PCSK5: variants seen among roughly 807,000 people sequenced by gnomAD.
PCSK5 encodes proprotein convertase subtilisin/kexin type 5, also known as prohormone convertase 5.
PCSK5 carries 129 observed loss-of-function variants against 233.2 expected under a neutral mutation model. The observed-to-expected ratio is 0.55, with a 90% CI of 0.48 to 0.64. PCSK5 has a LOEUF of 0.64. PCSK5 is among the 30% of genes least tolerant of loss of function. PCSK5 has a pLI of 0.00. For missense variants in PCSK5, 2,076 were observed against 2,430.1 expected, an observed-to-expected ratio of 0.85 and a Z score of 3.06; for synonymous variants, 825 against 879.2, an observed-to-expected ratio of 0.94 and a Z score of 1.09.
chr9:76,174,496 G>C (rs970820326), intron 13 of PCSK5, among the ~76,000 whole-genome samples: 1 of 151,660 alleles, frequency 6.6e-6, no homozygotes, highest in African/African-American at 2.4e-5. Flanking sequence ...ATTTTTAGTA[G>C]AGACGGAGTT....
chr9:76,046,559 C>CTTTTTTTTTTTTTTTT (rs553542037), intron 5 of PCSK5, among the ~76,000 whole-genome samples: 1 of 104,806 alleles, frequency 9.5e-6, no homozygotes, highest in African/African-American at 3.7e-5. Context: ...CTTTCTTTTT[C>CTTTTTTTTTTTTTTTT]TTTTTTTTTT....
rs191262309 is a variant in PCSK5 at position 76,002,886 on chromosome 9, A to G, written c.411+16641A>G. On this transcript the variant is annotated intron_variant, in intron 3 of 37. Coordinates refer to ENST00000674117, the MANE Select transcript of PCSK5 (RefSeq NM_001372043.1). The stretch of plus-strand genomic sequence containing the variant: ...AAACAAGCCTCCTGCACATCATTGC[A>G]AGATAACTGTCAGGAGTCCTCAGTT... Among the ~76,000 whole-genome samples, 24 of 152,326 alleles carry G rather than the reference A, an allele frequency of 1.6e-4. No homozygotes were observed. In the East Asian group the frequency reaches 3.9e-3, roughly 24 times the overall value.
intron 3 of PCSK5, among the ~76,000 whole-genome samples, chr9:75,998,320 C>A (rs1827111386): frequency 6.6e-6 from 1 of 152,178 alleles, no homozygotes; most frequent in East Asian, 1.9e-4. Flanking sequence ...CCAGGCCCTT[C>A]CACTTAACAT....
chr9:76,244,384 C>G (rs1014606325), intron 24 of PCSK5, among the ~76,000 whole-genome samples: 2 of 152,080 alleles, frequency 1.3e-5, no homozygotes, highest in South Asian at 2.1e-4. Context: ...CCCAAGATTC[C>G]TCCTGTGAGA....
At chr9:76,249,268 C>T (rs571824604) in intron 24 of PCSK5, among the ~76,000 whole-genome samples, 2 of 152,246 alleles carry the variant, frequency 1.3e-5, no homozygotes, top group South Asian at 4.2e-4. Flanking sequence ...AAAGAAATCC[C>T]TAGTCCAAAA....
At chr9:76,308,988 C>T (rs986587154) in intron 29 of PCSK5, among the ~76,000 whole-genome samples, 3 of 152,072 alleles carry the variant, frequency 2.0e-5, no homozygotes, top group East Asian at 1.9e-4. Flanking sequence ...GAGGCTGAGG[C>T]GGGAGGATTT....
chr9:76,302,002 T>C (rs899869116), intron 27 of PCSK5, 135 bp from the exon 28 acceptor site: 2 of 379,112 alleles, frequency 5.3e-6, no homozygotes, highest in African/African-American at 4.3e-5. Flanking sequence ...ACACACTCAA[T>C]ATGAAGATGA....
At chr9:76,238,300 A>G (rs1353780086) in intron 22 of PCSK5, among the ~76,000 whole-genome samples, 1 of 152,194 alleles carries the variant, frequency 6.6e-6, no homozygotes, top group East Asian at 1.9e-4. Context: ...ACAAATTCCC[A>G]TGGTCTGTTA....
intron 30 of PCSK5, among the ~76,000 whole-genome samples, chr9:76,316,241 C>A (rs1327479537): frequency 2.0e-5 from 3 of 151,974 alleles, no homozygotes; most frequent in Non-Finnish European, 4.4e-5. Flanking sequence ...TGGCTGGCCC[C>A]ACTCTGAGTC....
chr9:76,194,788 A>AAAGC (rs1564099614), intron 20 of PCSK5: 1 of 465,746 alleles, frequency 2.1e-6, no homozygotes, highest in Non-Finnish European at 4.4e-6. Context: ...TCTTCATATC[A>AAAGC]AAGCTTCATT....
intron 7 of PCSK5, among the ~76,000 whole-genome samples, chr9:76,073,720 CATAT>C (rs5898448): frequency 6.6e-6 from 1 of 151,520 alleles, no homozygotes; most frequent in East Asian, 1.9e-4. Context: ...CATGAATGCG[CATAT>C]ATATATATAA....
intron 1 of PCSK5, among the ~76,000 whole-genome samples, chr9:75,931,929 C>T (rs1231141420): frequency 2.0e-5 from 3 of 152,186 alleles, no homozygotes; most frequent in Admixed American, 6.5e-5. Flanking sequence ...TTGCTTAAGA[C>T]ATATTTCAAA....
chr9:76,020,075 C>T lies in PCSK5; in HGVS notation c.412-3663C>T, dbSNP rs140324364. 3.3e-3 allele frequency among the ~76,000 whole-genome samples: 501 copies of T among 152,318 alleles called. 2 individuals carry two copies. The highest frequency in any genetic ancestry group is 0.017 in the Middle Eastern group (5 of 294). ...CCTTTGGTGAACACCAGGCTGTGGG[C>T]TGCATGTGTGGTAACACAATTCTAG... On this transcript the variant is annotated intron_variant, in intron 3 of 37. Coordinates refer to ENST00000674117, the MANE Select transcript of PCSK5 (RefSeq NM_001372043.1).
intron 2 of PCSK5, among the ~76,000 whole-genome samples, chr9:75,966,271 G>T (rs1241869541): frequency 6.6e-6 from 1 of 152,218 alleles, no homozygotes; most frequent in East Asian, 1.9e-4. Context: ...GACAGATTGT[G>T]TATTGGTGGG....
At chr9:76,081,553 C>T (rs995768257) in intron 7 of PCSK5, among the ~76,000 whole-genome samples, 11 of 152,236 alleles carry the variant, frequency 7.2e-5, no homozygotes, top group Admixed American at 2.6e-4. Context: ...TAAAATGATG[C>T]ATTTAACCAC....
chr9:76,277,854 C>T (rs1827741128), intron 24 of PCSK5, among the ~76,000 whole-genome samples: 1 of 152,148 alleles, frequency 6.6e-6, no homozygotes, highest in African/African-American at 2.4e-5. Flanking sequence ...TAATTAGTTG[C>T]ACTCTTTGGG....
chr9:76,008,894 A>C (rs1827598831), intron 3 of PCSK5, among the ~76,000 whole-genome samples: 1 of 152,240 alleles, frequency 6.6e-6, no homozygotes, highest in Non-Finnish European at 1.5e-5. Context: ...CAGATTTAGA[A>C]AGTGAAAATA....
At chr9:76,189,271 T>C (rs781092911) in intron 19 of PCSK5, 48 bp downstream of exon 19, 2 of 1,536,970 alleles carry the variant, frequency 1.3e-6, no homozygotes, top group East Asian at 2.3e-5. Flanking sequence ...CTAAGTTCTT[T>C]TGATGACTAT....
At chr9:76,034,774 G>T (rs1272476823) in intron 5 of PCSK5, among the ~76,000 whole-genome samples, 2 of 152,124 alleles carry the variant, frequency 1.3e-5, no homozygotes, top group Non-Finnish European at 2.9e-5. Flanking sequence ...AAATAGAAAG[G>T]CAAGAACATA....
Sources: gnomAD v4.1 joint callset for allele counts (sites outside exome capture counted in the v4.1 genomes callset) on GRCh38, gnomAD v4.1.1 for gene constraint, MANE v1.5 for transcripts, NCBI Gene and HGNC (gene_info 2026-07-23, HGNC 2026-07-21) for gene names.